Variants in TTYH2 observed in about 807,000 individuals in gnomAD.
TTYH2 encodes the protein tweety family member 2.
A neutral mutation model predicts 68.3 loss-of-function variants in TTYH2; 49 were observed. That is an observed-to-expected ratio of 0.72 (90% CI 0.57 to 0.91). TTYH2 has a LOEUF of 0.91. TTYH2 is among the 40% of genes least tolerant of loss of function. TTYH2 has a pLI of 0.00. For missense variants in TTYH2, 631 were observed against 700.4 expected (o/e 0.90, Z 1.12); for synonymous variants, 272 against 300.8 (o/e 0.90, Z 0.99).
At chr17:74,238,775 C>A (rs1344797239) in intron 4 of TTYH2, among the ~76,000 whole-genome samples, 1 of 150,966 alleles carries the variant, frequency 6.6e-6, no homozygotes, top group Non-Finnish European at 1.5e-5. Context: ...GCTGAGGCAG[C>A]AGAATTGCTT....
Position 74,222,967 on chromosome 17 carries a change from G to A in TTYH2, c.302+310G>A, listed in dbSNP as rs1041460902. Reference sequence around the variant, plus strand: ...TGGGCATCTCCAGTCTCTGTCCCTGGCCCCTGCCAGCTGCTGCCCTGGGTC... The same window carrying A: ...TGGGCATCTCCAGTCTCTGTCCCTGACCCCTGCCAGCTGCTGCCCTGGGTC... On this transcript the variant is annotated intron_variant, in intron 2 of 13. Transcript: ENST00000269346. This position sits in a 1 kb window ranked among gnomAD's most constrained non-coding sequence, Gnocchi z 5.2. Among the ~76,000 whole-genome samples the A allele has an allele frequency of 1.1e-4, 16 of 152,222 alleles. No individual in the cohort carries two copies. Among genetic ancestry groups the A allele is most frequent in the African/African-American group, 3.9e-4 (16 of 41,526 alleles).
At chr17:74,218,683 C>T (rs908941939) in intron 1 of TTYH2, among the ~76,000 whole-genome samples, 4 of 152,112 alleles carry the variant, frequency 2.6e-5, no homozygotes, top group Non-Finnish European at 5.9e-5. Flanking sequence ...AGGGGGAGAC[C>T]GGGAGGCTGG....
At chr17:74,252,841 T>A (rs8069178) in intron 11 of TTYH2, among the ~76,000 whole-genome samples, 1 of 151,834 alleles carries the variant, frequency 6.6e-6, no homozygotes, top group African/African-American at 2.4e-5. Flanking sequence ...CGCAGGGTAG[T>A]GGGGACCCAC....
intron 13 of TTYH2, among the ~76,000 whole-genome samples, chr17:74,256,644 T>G (rs540765334): frequency 1.3e-5 from 2 of 152,120 alleles, no homozygotes; most frequent in Admixed American, 1.3e-4. Flanking sequence ...GTCAGCACCA[T>G]TTATTATTTA....
Position 74,217,617 on chromosome 17 carries a change from T to C in TTYH2, c.129+3901T>C, listed in dbSNP as rs2050233597. ...GCCGCGCCTGGGAGAGGGCTTAATCTTTCCCAGTGGGCCTGGGAGGGAGAC... is the reference window on the plus strand; with the variant it reads ...GCCGCGCCTGGGAGAGGGCTTAATCCTTCCCAGTGGGCCTGGGAGGGAGAC... On this transcript the variant is annotated intron_variant, in intron 1 of 13. Transcript: ENST00000269346. The surrounding 1 kb of genome is among the most constrained non-coding windows in gnomAD (Gnocchi z 4.0). Among the ~76,000 whole-genome samples, 1 of 152,182 alleles carries C rather than the reference T, an allele frequency of 6.6e-6. No homozygotes were observed. The highest frequency in any genetic ancestry group is 1.5e-5 in the Non-Finnish European group (1 of 68,020).
rs1014422439 is a variant in TTYH2 at position 74,222,379 on chromosome 17, G to C, written c.130-106G>C. On this transcript the variant is annotated intron_variant, in intron 1 of 13. Coordinates refer to ENST00000269346, the MANE Select transcript of TTYH2 (RefSeq NM_032646.6). The surrounding 1 kb of genome is among the most constrained non-coding windows in gnomAD (Gnocchi z 5.2). The stretch of plus-strand genomic sequence containing the variant: ...AGGTGGAGCTTGGAAGGATGGACGA[G>C]AGATGCAGCTCAGGCAGTGGGGCAC... 8.4e-6 allele frequency: 11 copies of C among 1,310,286 alleles called. No individual in the cohort carries two copies. Among genetic ancestry groups the C allele is most frequent in the African/African-American group, 7.4e-5 (5 of 67,746 alleles). 81.2% of individuals were successfully genotyped at this position (1,310,286 alleles called of 1,614,324 possible). A position where few individuals can be genotyped will look rare whatever the true frequency, so the allele number is the denominator to read the frequency against.
chr17:74,228,262 G>A (rs1330762707), intron 2 of TTYH2, among the ~76,000 whole-genome samples: 8 of 152,138 alleles, frequency 5.3e-5, no homozygotes, highest in Non-Finnish European at 5.9e-5. Context: ...AGGATTACAG[G>A]CATGAGCCAC....
intron 13 of TTYH2, among the ~76,000 whole-genome samples, chr17:74,254,051 G>C (rs1300417631): frequency 6.6e-6 from 1 of 152,202 alleles, no homozygotes; most frequent in African/African-American, 2.4e-5. Flanking sequence ...GCAGGAACAA[G>C]ACACAGCCCA....
intron 9 of TTYH2, 39 bp downstream of exon 9, chr17:74,250,067 A>T: frequency 6.2e-7 from 1 of 1,605,374 alleles, no homozygotes; most frequent in Non-Finnish European, 8.5e-7. Flanking sequence ...CCCCAGATGA[A>T]CCCTGACAGC....
intron 2 of TTYH2, among the ~76,000 whole-genome samples, chr17:74,228,087 G>A (rs143936500): frequency 1.3e-5 from 2 of 149,426 alleles, no homozygotes; most frequent in East Asian, 2.0e-4. Flanking sequence ...GGGTTCTAGC[G>A]ATTCTCCTGC....
Position 74,253,939 on chromosome 17 carries a change from C to T in TTYH2, c.1524+106C>T, listed in dbSNP as rs1209746262. 25 of 1,244,880 alleles carry T rather than the reference C, an allele frequency of 2.0e-5. No homozygotes were observed. In the Admixed American group the frequency reaches 2.6e-4, roughly 13 times the overall value. 77.1% of individuals were successfully genotyped at this position (1,244,880 alleles called of 1,614,324 possible). On this transcript the variant is annotated intron_variant, in intron 13 of 13. Coordinates refer to ENST00000269346, the MANE Select transcript of TTYH2 (RefSeq NM_032646.6). Reference sequence around the variant, plus strand: ...AAAGGCAGAAAAGAATGAAACTGTTCTGTTATTGAATATGCACTAAACCAG... The same window carrying T: ...AAAGGCAGAAAAGAATGAAACTGTTTTGTTATTGAATATGCACTAAACCAG...
At chr17:74,226,814 G>A (rs1417318706) in intron 2 of TTYH2, among the ~76,000 whole-genome samples, 1 of 151,978 alleles carries the variant, frequency 6.6e-6, no homozygotes, top group African/African-American at 2.4e-5. Flanking sequence ...CACACCAGGG[G>A]GAAAGCAACA....
chr17:74,226,854 G>C (rs2050335401), intron 2 of TTYH2, among the ~76,000 whole-genome samples: 1 of 152,264 alleles, frequency 6.6e-6, no homozygotes, highest in South Asian at 2.1e-4. Context: ...CCCTCAAGCA[G>C]AACAGTTTTT....
Position 74,232,069 on chromosome 17 carries a change from C to T in TTYH2, c.414+1070C>T, listed in dbSNP as rs78952315. On this transcript the variant is annotated intron_variant, in intron 3 of 13. Coordinates refer to ENST00000269346, the MANE Select transcript of TTYH2 (RefSeq NM_032646.6). This position sits in a 1 kb window ranked among gnomAD's most constrained non-coding sequence, Gnocchi z 5.1. Reference sequence around the variant, plus strand: ...ACAGTTTGACCTTGGCCCCCACACACGTCATTCTCACTCTAAGCACCAGAC... The same window carrying T: ...ACAGTTTGACCTTGGCCCCCACACATGTCATTCTCACTCTAAGCACCAGAC... Among the ~76,000 whole-genome samples, 8,458 of 152,320 alleles carry T rather than the reference C, an allele frequency of 0.056. 387 individuals are homozygous for T. Among genetic ancestry groups the T allele is most frequent in the East Asian group, 0.21 (1,094 of 5,174 alleles).
intron 3 of TTYH2, 143 bp from the exon 4 acceptor site, chr17:74,237,151 C>T (rs890109778): frequency 1.0e-5 from 8 of 783,502 alleles, no homozygotes; most frequent in Non-Finnish European, 1.7e-5. Flanking sequence ...CCGCCTGCCT[C>T]AGCCTCCCGA....
chr17:74,219,622 A>G (rs184691751), intron 1 of TTYH2, among the ~76,000 whole-genome samples: 62 of 152,224 alleles, frequency 4.1e-4, no homozygotes, highest in African/African-American at 1.4e-3. Flanking sequence ...CTGGCTACTC[A>G]TGAGTATCTC....
At chr17:74,224,543 G>A (rs1234586977) in intron 2 of TTYH2, among the ~76,000 whole-genome samples, 1 of 152,012 alleles carries the variant, frequency 6.6e-6, no homozygotes, top group African/African-American at 2.4e-5. Context: ...GAAAACTCAA[G>A]GTGGAAGGAA....
rs1040323333 is a variant in TTYH2 at position 74,223,480 on chromosome 17, C to A, written c.302+823C>A. On this transcript the variant is annotated intron_variant, in intron 2 of 13. Coordinates refer to ENST00000269346, the MANE Select transcript of TTYH2 (RefSeq NM_032646.6). ...ACTTCTGGCCTCAGACATTGCTCCC[C>A]CCTCAGCTTCCCAAAGCACTGGGAT... Among the ~76,000 whole-genome samples the A allele has an allele frequency of 3.3e-5, 5 of 152,162 alleles. No individual in the cohort carries two copies. In the East Asian group the frequency reaches 7.7e-4, roughly 24 times the overall value.
chr17:74,216,170 A>G (rs986651477), intron 1 of TTYH2, among the ~76,000 whole-genome samples: 1 of 152,236 alleles, frequency 6.6e-6, no homozygotes, highest in African/African-American at 2.4e-5. Flanking sequence ...TGAGAGGTTC[A>G]GGAGTGTGTC....
Sources: allele counts gnomAD v4.1 joint callset (sites outside exome capture counted in the v4.1 genomes callset), GRCh38; gene constraint gnomAD v4.1.1; non-coding constraint Gnocchi (gnomAD v3.1); transcripts MANE v1.5; gene names NCBI Gene and HGNC (gene_info 2026-07-23, HGNC 2026-07-21).